MTUS2: variants seen among roughly 807,000 people sequenced by gnomAD.
MTUS2 encodes the protein microtubule-associated tumor suppressor candidate 2.
Under a neutral mutation model 114.1 loss-of-function variants are expected in MTUS2, and 40 were observed. The ratio of observed to expected loss-of-function variants is 0.35; its 90% confidence interval spans 0.27 to 0.46. The LOEUF is 0.46. Ranked by LOEUF, MTUS2 falls within the 20% of genes least tolerant of loss-of-function variation. The pLI is 1.00. For synonymous variants in MTUS2, 688 were observed against 672.0 expected (o/e 1.02, Z -0.37); for missense variants, 1,679 against 1,705.4 (o/e 0.98, Z 0.27).
chr13:28,989,852 G>GT lies in MTUS2; in HGVS notation c.-242-34590dup, dbSNP rs67968989. Among the ~76,000 whole-genome samples, 810 of 143,668 alleles carry GT rather than the reference G, an allele frequency of 5.6e-3. 3 individuals are homozygous for GT. Among genetic ancestry groups the GT allele is most frequent in the East Asian group, 0.016 (82 of 5,036 alleles). 94.3% of individuals were successfully genotyped at this position (143,668 alleles called of 152,430 possible). A position where few individuals can be genotyped will look rare whatever the true frequency, so the allele number is the denominator to read the frequency against. ...TTGGGCCTTTTTTTTGTTTTGTTTT[G>GT]TTTTTTTTTTTTTTTGCAGAATTGC... On this transcript the variant is annotated intron_variant, in intron 2 of 15. Coordinates refer to ENST00000612955, the MANE Select transcript of MTUS2 (RefSeq NM_001033602.4).
intron 4 of MTUS2, among the ~76,000 whole-genome samples, chr13:29,046,117 ATT>A (rs5802505): frequency 6.9e-6 from 1 of 144,728 alleles, no homozygotes; most frequent in Non-Finnish European, 1.5e-5. Context: ...GTTAGTAAGT[ATT>A]TTTTTTTTTT....
chr13:29,412,345 A>G lies in MTUS2; in HGVS notation c.3118-27638A>G, dbSNP rs537243755. On this transcript the variant is annotated intron_variant, in intron 8 of 15. Transcript: ENST00000612955. Reference sequence around the variant, plus strand: ...GACTTTGTCAGCATCTATGGAGATAATAATATTTTCCCCTTAGATCTATCA... The same window carrying G: ...GACTTTGTCAGCATCTATGGAGATAGTAATATTTTCCCCTTAGATCTATCA... 1.2e-4 allele frequency among the ~76,000 whole-genome samples: 19 copies of G among 152,282 alleles called. No homozygotes were observed. In the South Asian group the frequency reaches 3.9e-3, roughly 32 times the overall value.
intron 2 of MTUS2, among the ~76,000 whole-genome samples, chr13:28,865,073 G>T (rs1246293237): frequency 1.3e-5 from 2 of 152,140 alleles, no homozygotes; most frequent in African/African-American, 2.4e-5. Flanking sequence ...GTATATGTGT[G>T]TGTGTCTATG....
In MTUS2 at chr13:29,243,422, A is replaced by C. The variant is rs188507454; in HGVS notation, c.2645-38282A>C. ...TAAAGACCCAGGAAGATGACACCAA[A>C]AGTGTCTCCTCAATGTGCGAATGTG... is the stretch of plus-strand genomic sequence containing the variant. On this transcript the variant is annotated intron_variant, in intron 5 of 15. Coordinates refer to ENST00000612955, the MANE Select transcript of MTUS2 (RefSeq NM_001033602.4). 1.1e-4 allele frequency among the ~76,000 whole-genome samples: 16 copies of C among 152,282 alleles called. No individual in the cohort carries two copies. In the East Asian group the frequency reaches 3.1e-3, roughly 29 times the overall value.
At chr13:29,072,803 A>G (rs1889001756) in intron 4 of MTUS2, among the ~76,000 whole-genome samples, 1 of 152,232 alleles carries the variant, frequency 6.6e-6, no homozygotes, top group African/African-American at 2.4e-5. Flanking sequence ...AATCAGTTAA[A>G]AATCATTGAC....
At chr13:29,076,585 G>A (rs1417231741) in intron 4 of MTUS2, among the ~76,000 whole-genome samples, 6 of 152,148 alleles carry the variant, frequency 3.9e-5, no homozygotes, top group African/African-American at 1.4e-4. Flanking sequence ...GTTGATGCTG[G>A]CTGTTGGCAG....
At chr13:29,354,971 C>T (rs7987634) in intron 7 of MTUS2, among the ~76,000 whole-genome samples, 1 of 152,180 alleles carries the variant, frequency 6.6e-6, no homozygotes, top group Non-Finnish European at 1.5e-5. Context: ...TATCAAAGTT[C>T]TGTCCTATAA....
Position 29,480,683 on chromosome 13 carries a change from A to G in MTUS2, c.3399+319A>G, listed in dbSNP as rs976286576. ...TTGCTCAGTGAGACCTTTATCCAAA[A>G]TTATTATTCCTCCCCCAACCACATA... On this transcript the variant is annotated intron_variant, in intron 10 of 15. Coordinates refer to ENST00000612955, the MANE Select transcript of MTUS2 (RefSeq NM_001033602.4). This position sits in a 1 kb window ranked among gnomAD's most constrained non-coding sequence, Gnocchi z 4.4. Among the ~76,000 whole-genome samples, 2 of 151,736 alleles carry G rather than the reference A, an allele frequency of 1.3e-5. No homozygotes were observed. Among genetic ancestry groups the G allele is most frequent in the South Asian group, 2.1e-4 (1 of 4,814 alleles).
At chr13:28,948,090 A>T (rs60188621) in intron 2 of MTUS2, among the ~76,000 whole-genome samples, 1,607 of 152,310 alleles carry the variant, frequency 0.011, 27 homozygotes, top group African/African-American at 0.036. Context: ...TTATGCAATC[A>T]AAAATTACTG....
chr13:29,468,233 T>C (rs948392115), intron 9 of MTUS2, among the ~76,000 whole-genome samples: 1 of 152,138 alleles, frequency 6.6e-6, no homozygotes, highest in Non-Finnish European at 1.5e-5. Context: ...ATTTCTTTGT[T>C]TCCTTTCTTC....
chr13:29,084,549 T>A (rs1226290434), intron 4 of MTUS2, among the ~76,000 whole-genome samples: 1 of 136,772 alleles, frequency 7.3e-6, no homozygotes, highest in Non-Finnish European at 1.6e-5. Context: ...TTTTCTTCTT[T>A]CCTTTTTTGA....
intron 4 of MTUS2, among the ~76,000 whole-genome samples, chr13:29,064,821 CT>C (rs1888590995): frequency 6.6e-6 from 1 of 152,080 alleles, no homozygotes; most frequent in South Asian, 2.1e-4. Context: ...CTGCTTCTCT[CT>C]TTATGTCCAT....
At chr13:29,010,019 G>A (rs1044771278) in intron 2 of MTUS2, among the ~76,000 whole-genome samples, 1 of 152,002 alleles carries the variant, frequency 6.6e-6, no homozygotes, top group African/African-American at 2.4e-5. Flanking sequence ...AGACCAGCCT[G>A]GCCAATATGG....
chr13:29,313,548 G>A (rs549098014), intron 6 of MTUS2, among the ~76,000 whole-genome samples: 1 of 152,178 alleles, frequency 6.6e-6, no homozygotes, highest in African/African-American at 2.4e-5. Flanking sequence ...TGTATAATAA[G>A]ATATATGTCT....
chr13:28,845,733 G>T (rs1228736624), intron 2 of MTUS2, among the ~76,000 whole-genome samples: 1 of 151,542 alleles, frequency 6.6e-6, no homozygotes, highest in Non-Finnish European at 1.5e-5. Flanking sequence ...TCATCAGATA[G>T]CCACAAAGAA....
intron 6 of MTUS2, among the ~76,000 whole-genome samples, chr13:29,284,995 C>G (rs1898418187): frequency 6.6e-6 from 1 of 151,926 alleles, no homozygotes; most frequent in South Asian, 2.1e-4. Flanking sequence ...CCTAGAACAT[C>G]TTGCCATGCT....
intron 9 of MTUS2, among the ~76,000 whole-genome samples, chr13:29,455,143 A>G (rs1414274636): frequency 2.6e-5 from 4 of 152,222 alleles, no homozygotes; most frequent in Non-Finnish European, 5.9e-5. Flanking sequence ...GTACAGGGCA[A>G]TTGAAGTGAC....
At chr13:29,187,433 A>G (rs988756224) in intron 5 of MTUS2, among the ~76,000 whole-genome samples, 2 of 152,212 alleles carry the variant, frequency 1.3e-5, no homozygotes, top group African/African-American at 4.8e-5. Flanking sequence ...CTGACCTTAG[A>G]GATATAAGAA....
At chr13:29,115,916 G>A (rs2138882534) in intron 5 of MTUS2, among the ~76,000 whole-genome samples, 1 of 152,356 alleles carries the variant, frequency 6.6e-6, no homozygotes, top group East Asian at 1.9e-4. Context: ...ATTACAGAAT[G>A]TGTGTGTTTA....
Sources: gnomAD v4.1 joint callset for allele counts (sites outside exome capture counted in the v4.1 genomes callset) on GRCh38, gnomAD v4.1.1 for gene constraint, Gnocchi (gnomAD v3.1) non-coding constraint, MANE v1.5 for transcripts, NCBI Gene and HGNC (gene_info 2026-07-23, HGNC 2026-07-21) for gene names.